Variants in KHSRP observed in about 807,000 individuals in gnomAD.
KHSRP encodes KH-type splicing regulatory protein, also known as far upstream element-binding protein 2.
A neutral mutation model predicts 94.9 loss-of-function variants in KHSRP; 13 were observed. That is an observed-to-expected ratio of 0.14 (90% CI 0.09 to 0.22). The LOEUF is 0.22. KHSRP is among the 10% of genes least tolerant of loss of function. The pLI is 1.00. For missense variants in KHSRP, 710 were observed against 1,010.0 expected (o/e 0.70, Z 4.03); for synonymous variants, 495 against 401.4 (o/e 1.23, Z -2.79).
At chr19:6,417,931 C>T (rs1337539441) in intron 10 of KHSRP, 50 bp downstream of exon 10, 1 of 1,606,118 alleles carries the variant, frequency 6.2e-7, no homozygotes, top group Non-Finnish European at 8.5e-7. Flanking sequence ...ACCCCGGCCC[C>T]TCCCTCCACT....
chr19:6,420,957 A>G lies in KHSRP; in HGVS notation c.425+321T>C, dbSNP rs574789047. ...TGCAGATGTGTGAGGGAGGGAAGCAAGGCCCTCCTAGCCTCTTCCAGGAAG... is the reference window on the plus strand; with the variant it reads ...TGCAGATGTGTGAGGGAGGGAAGCAGGGCCCTCCTAGCCTCTTCCAGGAAG... On this transcript the variant is annotated intron_variant, in intron 4 of 18. Coordinates refer to ENST00000600480, the MANE Select transcript of KHSRP (RefSeq NM_001366299.1). The G allele has an allele frequency of 2.2e-5, 9 of 413,648 alleles. No homozygotes were observed. In the South Asian group the frequency reaches 2.6e-4, roughly 12 times the overall value. 25.6% of individuals were successfully genotyped at this position (413,648 alleles called of 1,614,324 possible).
In KHSRP at chr19:6,418,107, T is replaced by C. The variant is rs564346061; in HGVS notation, c.880-28A>G. 53 of 1,603,866 alleles carry C rather than the reference T, an allele frequency of 3.3e-5. No individual in the cohort carries two copies. The South Asian group carries it at 5.4e-4, about 16-fold the overall frequency. On this transcript the variant is annotated intron_variant, in intron 9 of 18. Transcript: ENST00000600480. This position sits in a 1 kb window ranked among gnomAD's most constrained non-coding sequence, Gnocchi z 4.3. Reference sequence around the variant, plus strand: ...GCAAACACACAGGAAGCAGCCCCCATGGGTGAGCCCTGCTGCCCCACACCC... The same window carrying C: ...GCAAACACACAGGAAGCAGCCCCCACGGGTGAGCCCTGCTGCCCCACACCC...
Position 6,414,327 on chromosome 19 carries a change from T to C in KHSRP, c.*697A>G, listed in dbSNP as rs962231109. 3 of 1,395,762 alleles carry C rather than the reference T, an allele frequency of 2.1e-6. No homozygotes were observed. The African/African-American group carries it at 4.4e-5, about 20-fold the overall frequency. The allele number at this position is 1,395,762 out of a possible 1,614,324, so 86.5% of individuals were successfully genotyped here. ...TCGCTGAAGTCACGCTGCTCCCTGA[T>C]GGAGAAGGAGGGACAGAGCAGGAAG... On this transcript the variant is annotated 3_prime_UTR_variant, in exon 19 of 19. Transcript: ENST00000600480.
rs752592534 is a variant in KHSRP, at chr19:6,419,187, C to T, written c.605+16G>A. ...CTGCCCCCCACATCACAATGAGAGG[C>T]CCTGTGGGGACTTACTGGACAGATT... On this transcript the variant is annotated intron_variant, in intron 7 of 18. Transcript: ENST00000600480. 3.2e-6 allele frequency: 5 copies of T among 1,573,742 alleles called. No homozygotes were observed. The highest frequency in any genetic ancestry group is 3.3e-4 in the Middle Eastern group (2 of 6,008).
rs1231404591 is a variant in KHSRP, at chr19:6,418,902, A to G, written c.606-26T>C. The G allele has an allele frequency of 2.0e-6, 3 of 1,523,334 alleles. No individual in the cohort carries two copies. The highest frequency in any genetic ancestry group is 2.6e-6 in the Non-Finnish European group (3 of 1,142,552). The allele number at this position is 1,523,334 out of a possible 1,614,324, so 94.4% of individuals were successfully genotyped here. On this transcript the variant is annotated intron_variant, in intron 7 of 18. Transcript: ENST00000600480. The surrounding 1 kb of genome is among the most constrained non-coding windows in gnomAD (Gnocchi z 4.3). ...CTGGGAAGGGGAGGAGCGGGGGATG[A>G]GCGGGTGCCACCGCTGGAGAAAGGT...
chr19:6,417,887 C>T (rs1276885699), intron 10 of KHSRP, 46 bp from the exon 11 acceptor site: 2 of 1,602,492 alleles, frequency 1.2e-6, no homozygotes, highest in Admixed American at 3.4e-5. Flanking sequence ...AGCTCTGCTG[C>T]CCTCTGCTGC....
chr19:6,423,027 C>A (rs368489592), intron 1 of KHSRP, among the ~76,000 whole-genome samples: 5 of 152,202 alleles, frequency 3.3e-5, no homozygotes, highest in African/African-American at 1.2e-4. Flanking sequence ...TGCCTGTAAT[C>A]CCAGCATTTT....
intron 18 of KHSRP, 23 bp from the exon 19 acceptor site, chr19:6,415,324 G>T: frequency 6.2e-7 from 1 of 1,613,528 alleles, no homozygotes; most frequent in Non-Finnish European, 8.5e-7. Flanking sequence ...AAAGGCAGGT[G>T]AGAGGCTGTG....
intron 1 of KHSRP, among the ~76,000 whole-genome samples, chr19:6,422,940 G>A (rs2092203903): frequency 6.6e-6 from 1 of 152,134 alleles, no homozygotes; most frequent in African/African-American, 2.4e-5. Flanking sequence ...TTTGAGCAAA[G>A]CGATCACTTC....
rs553585891 is a variant in KHSRP at position 6,424,321 on chromosome 19, A to G, written c.249+132T>C. The G allele has an allele frequency of 1.1e-3, 274 of 239,042 alleles. 1 individual carries two copies. The highest frequency in any genetic ancestry group is 6.2e-3 in the African/African-American group (262 of 42,208). 14.8% of individuals were successfully genotyped at this position (239,042 alleles called of 1,614,324 possible). A position where few individuals can be genotyped will look rare whatever the true frequency, so the allele number is the denominator to read the frequency against. Reference sequence around the variant, plus strand: ...CAGCGGGAGGGCCAGGCCCCCGCCTACCGCCCACGTGACCCCGCGACGGCC... The same window carrying G: ...CAGCGGGAGGGCCAGGCCCCCGCCTGCCGCCCACGTGACCCCGCGACGGCC... On this transcript the variant is annotated intron_variant, in intron 1 of 18. Coordinates refer to ENST00000600480, the MANE Select transcript of KHSRP (RefSeq NM_001366299.1).
chr19:6,424,715 C>T lies in KHSRP; in HGVS notation c.-14G>A. On this transcript the variant is annotated 5_prime_UTR_variant, in exon 1 of 19. Coordinates refer to ENST00000600480, the MANE Select transcript of KHSRP (RefSeq NM_001366299.1). ...GTAGTCCGACATGGCGCGGCGGGGC[C>T]GGGCCTGGCGCGGAGGCTGAAGCTG... 1.9e-6 allele frequency: 2 copies of T among 1,035,524 alleles called. No homozygotes were observed. The highest frequency in any genetic ancestry group is 2.3e-6 in the Non-Finnish European group (2 of 861,106). 64.1% of individuals were successfully genotyped at this position (1,035,524 alleles called of 1,614,324 possible).
chr19:6,414,774 T>C lies in KHSRP; in HGVS notation c.*250A>G, dbSNP rs570140613. ...ACGTTTTCTTCCCAAGTGGCCAGAT[T>C]GTGAGCGAGGTGGTGGCGGCCGGGC... On this transcript the variant is annotated 3_prime_UTR_variant, in exon 19 of 19. Transcript: ENST00000600480. The C allele has an allele frequency of 1.8e-6, 2 of 1,125,356 alleles. No homozygotes were observed. The highest frequency in any genetic ancestry group is 2.2e-6 in the Non-Finnish European group (2 of 919,720). The allele number at this position is 1,125,356 out of a possible 1,614,324, so 69.7% of individuals were successfully genotyped here. A position where few individuals can be genotyped will look rare whatever the true frequency, so the allele number is the denominator to read the frequency against.
Position 6,413,497 on chromosome 19 carries a change from G to C in KHSRP, c.*1527C>G, listed in dbSNP as rs1158110050. ...GACAACAGACCAGTCCTGGGAGGGG[G>C]GACGGGCGGGGCCGCGGGAGCTGAG... On this transcript the variant is annotated 3_prime_UTR_variant, in exon 19 of 19. Transcript: ENST00000600480. 1 of 357,098 alleles carries C rather than the reference G, an allele frequency of 2.8e-6. No individual in the cohort carries two copies. Among genetic ancestry groups the C allele is most frequent in the East Asian group, 1.2e-4 (1 of 8,468 alleles). 22.1% of individuals were successfully genotyped at this position (357,098 alleles called of 1,614,324 possible).
rs200219395 is a variant in KHSRP, at chr19:6,418,655, G to C, written c.780+47C>G. ...TGGGCTGCTGTGGTGGTGGCGGTGG[G>C]GTGTGGCACACGGATGCAGAGGAAG... On this transcript the variant is annotated intron_variant, in intron 8 of 18. Coordinates refer to ENST00000600480, the MANE Select transcript of KHSRP (RefSeq NM_001366299.1). This position sits in a 1 kb window ranked among gnomAD's most constrained non-coding sequence, Gnocchi z 4.3. 2 of 1,613,204 alleles carry C rather than the reference G, an allele frequency of 1.2e-6. No individual in the cohort carries two copies. Among genetic ancestry groups the C allele is most frequent in the Admixed American group, 1.7e-5 (1 of 59,992 alleles).
chr19:6,422,135 G>A (rs564413887), intron 2 of KHSRP, among the ~76,000 whole-genome samples: 1 of 152,298 alleles, frequency 6.6e-6, no homozygotes, highest in East Asian at 1.9e-4. Context: ...CTTCGACCCA[G>A]TCACAATCAA....
intron 13 of KHSRP, 36 bp downstream of exon 13, chr19:6,416,701 AG>A: frequency 6.2e-7 from 1 of 1,611,582 alleles, no homozygotes; most frequent in Non-Finnish European, 8.5e-7. Flanking sequence ...CCCAGGGAAG[AG>A]GGGGCAAGGG....
chr19:6,416,732 A>G lies in KHSRP; in HGVS notation c.1327+6T>C. On this transcript the variant is annotated splice_donor_region_variant and intron_variant, in intron 13 of 18. Coordinates refer to ENST00000600480, the MANE Select transcript of KHSRP (RefSeq NM_001366299.1). ...CAAGGGATAGGGTGCAGGGGGCCAC[A>G]CTCACCTCGGCCGATGACCAGCCCA... The G allele has an allele frequency of 1.2e-6, 2 of 1,602,364 alleles. No individual in the cohort carries two copies. Among genetic ancestry groups the G allele is most frequent in the East Asian group, 2.2e-5 (1 of 44,552 alleles).
chr19:6,420,219 G>A (rs958720475), intron 5 of KHSRP, 75 bp from the exon 6 acceptor site: 21 of 1,410,542 alleles, frequency 1.5e-5, no homozygotes, highest in South Asian at 4.8e-5. Context: ...CTGTGTGGCC[G>A]GGGCCCCAGC....
intron 4 of KHSRP, chr19:6,420,897 C>T: frequency 2.6e-6 from 1 of 379,650 alleles, no homozygotes; most frequent in Non-Finnish European, 4.8e-6. Context: ...TGGCAAAGAG[C>T]CCTGAGCTCC....
Sources: allele counts gnomAD v4.1 joint callset (sites outside exome capture counted in the v4.1 genomes callset), GRCh38; gene constraint gnomAD v4.1.1; non-coding constraint Gnocchi (gnomAD v3.1); transcripts MANE v1.5; gene names NCBI Gene and HGNC (gene_info 2026-07-23, HGNC 2026-07-21).